The following HNRNPLL variants were observed in gnomAD, a reference collection of about 807,000 sequenced individuals.
HNRNPLL encodes heterogeneous nuclear ribonucleoprotein L like.
HNRNPLL carries 25 observed loss-of-function variants against 67.1 expected under a neutral mutation model. That is an observed-to-expected ratio of 0.37 (90% CI 0.27 to 0.52). The LOEUF (loss-of-function observed/expected upper bound fraction) is 0.52, where lower values mean the gene tolerates loss of function less well. HNRNPLL is among the 20% of genes least tolerant of loss of function. The pLI, the probability that HNRNPLL is intolerant of heterozygous loss-of-function variation, is 0.90. For missense variants in HNRNPLL, 542 were observed against 673.9 expected, an observed-to-expected ratio of 0.80 and a Z score of 2.17; for synonymous variants, 267 against 241.7, an observed-to-expected ratio of 1.10 and a Z score of -0.97.
chr2:38,588,781 C>T (rs573206082), intron 2 of HNRNPLL, among the ~76,000 whole-genome samples: 5 of 152,002 alleles, frequency 3.3e-5, no homozygotes, highest in African/African-American at 1.2e-4. Flanking sequence ...GTGGCTTGTG[C>T]CTACAGTCCC....
At chr2:38,583,591 T>G (rs1435136192) in intron 4 of HNRNPLL, among the ~76,000 whole-genome samples, 1 of 152,208 alleles carries the variant, frequency 6.6e-6, no homozygotes, top group Non-Finnish European at 1.5e-5. Context: ...ATAGTACAAG[T>G]GTACATATCT....
chr2:38,572,063 A>G (rs1666108966), intron 8 of HNRNPLL, among the ~76,000 whole-genome samples: 1 of 152,158 alleles, frequency 6.6e-6, no homozygotes, highest in Admixed American at 6.6e-5. Flanking sequence ...ATTATCAAAC[A>G]TGCATTCCCT....
chr2:38,592,828 T>A (rs1226859074), intron 1 of HNRNPLL, among the ~76,000 whole-genome samples: 2 of 152,220 alleles, frequency 1.3e-5, no homozygotes, highest in African/African-American at 4.8e-5. Flanking sequence ...TTTTTAAAGT[T>A]TTTTTCTCCT....
At chr2:38,574,017 T>G (rs1177962584) in intron 7 of HNRNPLL, among the ~76,000 whole-genome samples, 3 of 151,986 alleles carry the variant, frequency 2.0e-5, no homozygotes, top group African/African-American at 4.8e-5. Flanking sequence ...CTTATTACTC[T>G]ACAACTTCCA....
rs539844858 is a variant in HNRNPLL, at chr2:38,567,892, AAAC to A, written c.1573+304_1573+306del. ...CAAGCCCTGAGATTACTGCAGACTT[AAAC>A]AACAGTTTGACTGCAACTTCATGGG... On this transcript the variant is annotated intron_variant, in intron 12 of 12. Coordinates refer to ENST00000449105, the MANE Select transcript of HNRNPLL (RefSeq NM_138394.4). Among the ~76,000 whole-genome samples the A allele has an allele frequency of 9.9e-3, 1,508 of 152,298 alleles. 15 individuals carry two copies. The highest frequency in any genetic ancestry group is 0.015 in the Non-Finnish European group (1,053 of 68,030).
intron 2 of HNRNPLL, among the ~76,000 whole-genome samples, chr2:38,591,321 A>G (rs1421388559): frequency 6.6e-6 from 1 of 152,222 alleles, no homozygotes; most frequent in Non-Finnish European, 1.5e-5. Context: ...TCATAGCTCC[A>G]CAAAAATACA....
At chr2:38,593,862 C>CAA (rs11449195) in intron 1 of HNRNPLL, among the ~76,000 whole-genome samples, 4,721 of 141,476 alleles carry the variant, frequency 0.033, 114 homozygotes, top group South Asian at 0.077. Flanking sequence ...GACTCCGTCT[C>CAA]AAAAAAAAAA....
intron 1 of HNRNPLL, among the ~76,000 whole-genome samples, chr2:38,596,231 T>A (rs1667183248): frequency 6.6e-6 from 1 of 152,190 alleles, no homozygotes; most frequent in African/African-American, 2.4e-5. Context: ...CTGTACTATA[T>A]ACTGGTGACA....
At chr2:38,585,492 T>C (rs994559125) in intron 3 of HNRNPLL, 152 bp downstream of exon 3, 36 of 600,368 alleles carry the variant, frequency 6.0e-5, no homozygotes, top group South Asian at 1.1e-4. Flanking sequence ...CAGCATTTTT[T>C]CTTTGTTCAT....
chr2:38,590,127 G>A (rs1336912068), intron 2 of HNRNPLL, among the ~76,000 whole-genome samples: 7 of 152,152 alleles, frequency 4.6e-5, no homozygotes, highest in Admixed American at 2.0e-4. Context: ...ATGCCCATGC[G>A]GATTCTCAAT....
chr2:38,582,297 T>A lies in HNRNPLL; in HGVS notation c.633-129A>T, dbSNP rs575815771. The A allele has an allele frequency of 4.2e-6, 3 of 716,802 alleles. No homozygotes were observed. In the African/African-American group the frequency reaches 5.4e-5, roughly 13 times the overall value. 44.4% of individuals were successfully genotyped at this position (716,802 alleles called of 1,614,324 possible). On this transcript the variant is annotated intron_variant, in intron 4 of 12. Transcript: ENST00000449105. ...TGGAAATGTTTTACCAATTTCAGGA[T>A]GAATTTTAAGAGAATTTTTTGTTTT...
intron 12 of HNRNPLL, among the ~76,000 whole-genome samples, chr2:38,565,262 A>G (rs906055271): frequency 2.0e-5 from 3 of 152,244 alleles, no homozygotes; most frequent in Non-Finnish European, 2.9e-5. Flanking sequence ...GGATAAAAAC[A>G]TACATAACTG....
At chr2:38,574,580 G>A (rs1666226029) in intron 7 of HNRNPLL, among the ~76,000 whole-genome samples, 1 of 151,632 alleles carries the variant, frequency 6.6e-6, no homozygotes, top group Admixed American at 6.6e-5. Flanking sequence ...ACTAAATTTT[G>A]GTATTCATAA....
At chr2:38,601,820 A>G (rs1281840051) in intron 1 of HNRNPLL, among the ~76,000 whole-genome samples, 2 of 152,236 alleles carry the variant, frequency 1.3e-5, no homozygotes, top group Non-Finnish European at 2.9e-5. Context: ...AAGAGGTAAA[A>G]AGTGTACTGA....
chr2:38,576,517 T>C (rs909704183), intron 7 of HNRNPLL, among the ~76,000 whole-genome samples: 1 of 151,648 alleles, frequency 6.6e-6, no homozygotes, highest in African/African-American at 2.4e-5. Context: ...TTTTCTGCCA[T>C]ATAGACTATG....
chr2:38,566,380 CAA>C (rs71402235), intron 12 of HNRNPLL, among the ~76,000 whole-genome samples: 1 of 119,146 alleles, frequency 8.4e-6, no homozygotes, highest in Admixed American at 9.1e-5. Context: ...AAAAAAAAAC[CAA>C]AAAAAAAAAA....
chr2:38,601,168 G>C (rs1057385697), intron 1 of HNRNPLL, among the ~76,000 whole-genome samples: 1 of 152,080 alleles, frequency 6.6e-6, no homozygotes, highest in East Asian at 1.9e-4. Flanking sequence ...CAAATAGCTC[G>C]GCACAAAAAT....
intron 1 of HNRNPLL, among the ~76,000 whole-genome samples, chr2:38,597,366 A>G (rs1667236576): frequency 6.6e-6 from 1 of 152,236 alleles, no homozygotes; most frequent in African/African-American, 2.4e-5. Flanking sequence ...TGGATACATT[A>G]AAATTTATCA....
chr2:38,572,371 C>T lies in HNRNPLL; in HGVS notation c.1092+839G>A, dbSNP rs190585183. On this transcript the variant is annotated intron_variant, in intron 8 of 12. Transcript: ENST00000449105. ...CTTTTCAAGCCATGTTCCCCTCCCA[C>T]GCATAGTGACTCACATGCTGCAAGA... Among the ~76,000 whole-genome samples, 400 of 152,196 alleles carry T rather than the reference C, an allele frequency of 2.6e-3. 7 individuals are homozygous for T. Among genetic ancestry groups the T allele is most frequent in the South Asian group, 4.4e-3 (21 of 4,826 alleles).
Sources: allele counts gnomAD v4.1 joint callset (sites outside exome capture counted in the v4.1 genomes callset), GRCh38; gene constraint gnomAD v4.1.1; transcripts MANE v1.5; gene names NCBI Gene and HGNC (gene_info 2026-07-23, HGNC 2026-07-21).